Variants in PRR5L observed in about 807,000 individuals in gnomAD.
The protein encoded by PRR5L is proline rich 5 like.
In PRR5L, 21 loss-of-function variants were observed where a neutral mutation model predicts 36.4. The ratio of observed to expected loss-of-function variants is 0.58; its 90% CI spans 0.41 to 0.83. The LOEUF (loss-of-function observed/expected upper bound fraction) is 0.83, where lower values mean the gene tolerates loss of function less well. Among genes scored for constraint, PRR5L ranks in the 40% least tolerant of loss-of-function variants. The pLI, the probability that PRR5L is intolerant of heterozygous loss-of-function variation, is 0.00. For missense variants in PRR5L, 381 were observed against 473.3 expected, an observed-to-expected ratio of 0.80 and a Z score of 1.81; for synonymous variants, 188 against 197.0, an observed-to-expected ratio of 0.95 and a Z score of 0.38.
intron 1 of PRR5L, among the ~76,000 whole-genome samples, chr11:36,310,781 A>C (rs1269529192): frequency 1.3e-5 from 2 of 152,036 alleles, no homozygotes; most frequent in Non-Finnish European, 2.9e-5. Context: ...GGCAGATTAC[A>C]AGGTCAGAAG....
chr11:36,431,513 C>G (rs1858494125), intron 4 of PRR5L, among the ~76,000 whole-genome samples: 1 of 151,984 alleles, frequency 6.6e-6, no homozygotes, highest in Admixed American at 6.6e-5. Context: ...CTCAATGCTT[C>G]CTTTTGTGAG....
Position 36,346,156 on chromosome 11 carries a change from T to G in PRR5L, c.-126+49718T>G, listed in dbSNP as rs142958993. Among the ~76,000 whole-genome samples the G allele has an allele frequency of 2.1e-3, 314 of 152,310 alleles. 1 individual carries two copies. Among genetic ancestry groups the G allele is most frequent in the African/African-American group, 7.3e-3 (303 of 41,576 alleles). ...AAGGATTTATTTTTTAATATTTTTG[T>G]AGAGATGGGGCCTTATTATTTGAGC... On this transcript the variant is annotated intron_variant, in intron 1 of 8. Coordinates refer to ENST00000530639, the MANE Select transcript of PRR5L (RefSeq NM_001160167.2).
intron 7 of PRR5L, among the ~76,000 whole-genome samples, chr11:36,449,129 G>C (rs1367986037): frequency 2.6e-5 from 4 of 152,182 alleles, no homozygotes; most frequent in African/African-American, 9.7e-5. Context: ...CCTGGGGCTG[G>C]GGATGTGACT....
At chr11:36,416,583 CCT>C (rs1412788472) in intron 3 of PRR5L, among the ~76,000 whole-genome samples, 4 of 152,220 alleles carry the variant, frequency 2.6e-5, no homozygotes, top group Admixed American at 6.5e-5. Flanking sequence ...TCTCATCCCC[CCT>C]GTTACAGCTG....
At chr11:36,333,237 A>C (rs1239477915) in intron 1 of PRR5L, among the ~76,000 whole-genome samples, 1 of 152,210 alleles carries the variant, frequency 6.6e-6, no homozygotes, top group East Asian at 1.9e-4. Context: ...TGACAATACC[A>C]GGTATTGGGA....
chr11:36,422,925 G>A (rs1858300261), intron 4 of PRR5L, among the ~76,000 whole-genome samples: 1 of 152,068 alleles, frequency 6.6e-6, no homozygotes. Flanking sequence ...TGTAATTTTT[G>A]AAACTGATGA....
At chr11:36,352,260 C>A in intron 1 of PRR5L, among the ~76,000 whole-genome samples, 1 of 152,020 alleles carries the variant, frequency 6.6e-6, no homozygotes, top group African/African-American at 2.4e-5. Flanking sequence ...GTTCTTAGCC[C>A]ATTTTTGATG....
At chr11:36,453,538 G>A (rs569321336) in intron 8 of PRR5L, among the ~76,000 whole-genome samples, 1 of 152,214 alleles carries the variant, frequency 6.6e-6, no homozygotes, top group Non-Finnish European at 1.5e-5. Flanking sequence ...AGGGAAGGAT[G>A]TGACCCTCTT....
At chr11:36,409,463 T>A (rs1028536241) in intron 3 of PRR5L, among the ~76,000 whole-genome samples, 2 of 152,198 alleles carry the variant, frequency 1.3e-5, no homozygotes, top group Non-Finnish European at 2.9e-5. Flanking sequence ...TTGTGTTTGA[T>A]CTCTGACAGG....
chr11:36,412,591 C>T (rs990749009), intron 3 of PRR5L, among the ~76,000 whole-genome samples: 3 of 152,192 alleles, frequency 2.0e-5, no homozygotes, highest in African/African-American at 7.2e-5. Context: ...TAGGGAACCA[C>T]AAACCACAGC....
At chr11:36,315,459 A>C (rs1856546085) in intron 1 of PRR5L, among the ~76,000 whole-genome samples, 1 of 152,228 alleles carries the variant, frequency 6.6e-6, no homozygotes, top group Non-Finnish European at 1.5e-5. Context: ...TTAAGCTGAT[A>C]GCTTTGGCTT....
chr11:36,315,182 A>G (rs1856543200), intron 1 of PRR5L, among the ~76,000 whole-genome samples: 1 of 152,220 alleles, frequency 6.6e-6, no homozygotes, highest in Non-Finnish European at 1.5e-5. Flanking sequence ...CCTCCATTGT[A>G]AAATGGGGAT....
rs59668248 is a variant in PRR5L, at chr11:36,374,047, CTCCTTCCTTCCTTCCTTCCTTCCT to C, written c.-125-26913_-125-26890del. ...GTAAAAGACAGATAATAATTTTTTC[CTCCTTCCTTCCTTCCTTCCTTCCT>C]TCCTTCCTTCCTTCCTTCCTTCCTT... On this transcript the variant is annotated intron_variant, in intron 1 of 8. Transcript: ENST00000530639. 1.6e-3 allele frequency among the ~76,000 whole-genome samples: 185 copies of C among 117,830 alleles called. 3 individuals are homozygous for C. The highest frequency in any genetic ancestry group is 4.6e-3 in the East Asian group (16 of 3,476). 77.3% of individuals were successfully genotyped at this position (117,830 alleles called of 152,430 possible).
intron 7 of PRR5L, among the ~76,000 whole-genome samples, chr11:36,447,992 T>C (rs575601225): frequency 2.0e-5 from 3 of 152,216 alleles, no homozygotes; most frequent in South Asian, 4.1e-4. Context: ...TCTTCCCATA[T>C]CAGTTTATAA....
At chr11:36,324,347 A>G (rs1008475616) in intron 1 of PRR5L, among the ~76,000 whole-genome samples, 1 of 152,218 alleles carries the variant, frequency 6.6e-6, no homozygotes, top group Non-Finnish European at 1.5e-5. Context: ...TACAAATCTG[A>G]CAATATTTAT....
At chr11:36,419,349 G>A in intron 4 of PRR5L, 46 bp downstream of exon 4, 1 of 1,532,836 alleles carries the variant, frequency 6.5e-7, no homozygotes, top group South Asian at 1.1e-5. Flanking sequence ...TGCATGTGGG[G>A]GCATGGACCT....
At chr11:36,392,857 C>G (rs1242723900) in intron 1 of PRR5L, among the ~76,000 whole-genome samples, 1 of 152,174 alleles carries the variant, frequency 6.6e-6, no homozygotes, top group Non-Finnish European at 1.5e-5. Flanking sequence ...CCTACCAGGT[C>G]CCTCTCCTGA....
intron 4 of PRR5L, among the ~76,000 whole-genome samples, chr11:36,421,551 T>A (rs961316432): frequency 2.0e-5 from 3 of 152,218 alleles, no homozygotes; most frequent in East Asian, 1.9e-4. Context: ...TTTCTTTTTT[T>A]AATAGATTTT....
intron 1 of PRR5L, among the ~76,000 whole-genome samples, chr11:36,325,715 G>A (rs559510672): frequency 6.6e-4 from 100 of 152,296 alleles, no homozygotes; most frequent in African/African-American, 2.2e-3. Flanking sequence ...TAGGCTTAGG[G>A]ATTCTTAGTC....
Sources: allele counts gnomAD v4.1 joint callset (sites outside exome capture counted in the v4.1 genomes callset), GRCh38; gene constraint gnomAD v4.1.1; transcripts MANE v1.5; gene names NCBI Gene and HGNC (gene_info 2026-07-23, HGNC 2026-07-21).